PRKG1: variants seen among roughly 807,000 people sequenced by gnomAD.
PRKG1 encodes the protein protein kinase cGMP-dependent 1.
PRKG1 carries 35 observed loss-of-function variants against 88.1 expected under a neutral mutation model. The observed-to-expected ratio is 0.40, with a 90% CI of 0.30 to 0.53. The LOEUF (loss-of-function observed/expected upper bound fraction) is 0.53, where lower values mean the gene tolerates loss of function less well. Ranked by LOEUF, PRKG1 falls within the 20% of genes least tolerant of loss-of-function variation. PRKG1 has a pLI of 0.59. For synonymous variants in PRKG1, 303 were observed against 292.5 expected (o/e 1.04, Z -0.37); for missense variants, 540 against 839.8 (o/e 0.64, Z 4.41).
intron 3 of PRKG1, among the ~76,000 whole-genome samples, chr10:51,760,441 T>C (rs1335446293): frequency 6.6e-6 from 1 of 151,886 alleles, no homozygotes; most frequent in Non-Finnish European, 1.5e-5. Flanking sequence ...TGACCACTTA[T>C]TCATTTATTA....
intron 4 of PRKG1, among the ~76,000 whole-genome samples, chr10:51,815,953 TGTGA>T (rs1353912725): frequency 6.6e-6 from 1 of 152,142 alleles, no homozygotes; most frequent in Non-Finnish European, 1.5e-5. Context: ...CCAAACCCAG[TGTGA>T]GTGTTTTCAA....
intron 1 of PRKG1, among the ~76,000 whole-genome samples, chr10:51,104,157 G>C (rs1330147135): frequency 6.6e-6 from 1 of 152,084 alleles, no homozygotes; most frequent in Middle Eastern, 3.2e-3. Flanking sequence ...CAAGTAAATA[G>C]ATAATTCCTA....
At position 51,123,950 on chromosome 10, in the gene PRKG1, T is replaced by C. The variant is rs147038868; in HGVS notation, c.312-29214T>C. 6.2e-3 allele frequency among the ~76,000 whole-genome samples: 944 copies of C among 152,140 alleles called. 6 individuals carry two copies. The highest frequency in any genetic ancestry group is 0.02 in the Middle Eastern group (6 of 294). On this transcript the variant is annotated intron_variant, in intron 1 of 17. Transcript: ENST00000373980. ...CCAGACCTCAGAAAAAATCACTCGCTATTGTGAGGACAGCACCAAGAGAAT... is the reference window on the plus strand; with the variant it reads ...CCAGACCTCAGAAAAAATCACTCGCCATTGTGAGGACAGCACCAAGAGAAT...
At chr10:51,102,033 G>T (rs1844698762) in intron 1 of PRKG1, among the ~76,000 whole-genome samples, 1 of 152,140 alleles carries the variant, frequency 6.6e-6, no homozygotes, top group South Asian at 2.1e-4. Flanking sequence ...GCCAATTTCT[G>T]TGGAGTAAAT....
intron 7 of PRKG1, among the ~76,000 whole-genome samples, chr10:52,125,041 T>C (rs1010617680): frequency 5.3e-5 from 8 of 152,180 alleles, no homozygotes; most frequent in Non-Finnish European, 1.2e-4. Context: ...TTCTTTTTTT[T>C]AGTAAGTAGG....
intron 7 of PRKG1, among the ~76,000 whole-genome samples, chr10:52,083,030 G>C (rs540730224): frequency 2.6e-5 from 4 of 152,172 alleles, no homozygotes; most frequent in African/African-American, 7.2e-5. Context: ...TAATCGAGTG[G>C]TGTGGTGGGT....
At chr10:52,166,556 C>T (rs1299666539) in intron 9 of PRKG1, among the ~76,000 whole-genome samples, 1 of 147,470 alleles carries the variant, frequency 6.8e-6, no homozygotes, top group African/African-American at 2.5e-5. Context: ...GCCTCAGCCT[C>T]CCAAGTAGCT....
chr10:52,203,202 T>C (rs1839722303), intron 9 of PRKG1, among the ~76,000 whole-genome samples: 1 of 152,180 alleles, frequency 6.6e-6, no homozygotes. Context: ...TCTGTGATTC[T>C]GGTATACTGT....
At chr10:51,267,460 T>C (rs978804426) in intron 2 of PRKG1, among the ~76,000 whole-genome samples, 1 of 152,198 alleles carries the variant, frequency 6.6e-6, no homozygotes, top group African/African-American at 2.4e-5. Flanking sequence ...TTCTGCAAAA[T>C]ATATCTTTAT....
At chr10:51,912,846 T>C (rs1220576847) in intron 5 of PRKG1, among the ~76,000 whole-genome samples, 2 of 151,984 alleles carry the variant, frequency 1.3e-5, no homozygotes, top group African/African-American at 4.8e-5. Flanking sequence ...CATGAGATTA[T>C]AGTACAGGAA....
chr10:51,548,053 C>A (rs1312288419), intron 3 of PRKG1, among the ~76,000 whole-genome samples: 1 of 151,964 alleles, frequency 6.6e-6, no homozygotes, highest in African/African-American at 2.4e-5. Flanking sequence ...TTCCTGATAA[C>A]CTGCTTTGCC....
At chr10:51,901,522 G>A (rs1841978164) in intron 4 of PRKG1, among the ~76,000 whole-genome samples, 1 of 152,146 alleles carries the variant, frequency 6.6e-6, no homozygotes, top group Admixed American at 6.5e-5. Flanking sequence ...CAACTTTACA[G>A]GGTTTCATTT....
At chr10:51,177,162 T>A (rs1837217158) in intron 2 of PRKG1, among the ~76,000 whole-genome samples, 1 of 152,174 alleles carries the variant, frequency 6.6e-6, no homozygotes, top group African/African-American at 2.4e-5. Flanking sequence ...TGTTGAACTA[T>A]TTCCTAACTG....
chr10:51,909,792 C>G (rs1379909668), intron 5 of PRKG1: 1 of 151,900 alleles, frequency 6.6e-6, no homozygotes, highest in African/African-American at 2.4e-5. Context: ...GAAGAGTCAG[C>G]AAAGCTTGGA....
chr10:52,041,968 C>A (rs762739246), intron 5 of PRKG1, among the ~76,000 whole-genome samples: 5 of 151,802 alleles, frequency 3.3e-5, no homozygotes, highest in South Asian at 2.1e-4. Flanking sequence ...TTCACACACA[C>A]AAAAATTAGA....
At chr10:51,113,670 A>G (rs1402411232) in intron 1 of PRKG1, among the ~76,000 whole-genome samples, 2 of 151,510 alleles carry the variant, frequency 1.3e-5, no homozygotes, top group African/African-American at 2.4e-5. Flanking sequence ...ATAAGTAGAA[A>G]GGAACTGTCT....
chr10:52,097,565 T>G (rs997696644), intron 7 of PRKG1, among the ~76,000 whole-genome samples: 3 of 152,096 alleles, frequency 2.0e-5, no homozygotes, highest in Non-Finnish European at 4.4e-5. Context: ...TTGTTTTGTT[T>G]TTCTTTGATA....
chr10:51,974,702 A>T (rs1180233986), intron 5 of PRKG1, among the ~76,000 whole-genome samples: 1 of 152,146 alleles, frequency 6.6e-6, no homozygotes, highest in Non-Finnish European at 1.5e-5. Context: ...ACTTCTCCAG[A>T]AATTTTTCTG....
Position 51,908,735 on chromosome 10 carries a change from T to TCTATCTATCTATATATATA in PRKG1, c.762+1165_762+1166insCTATCTATCTATATATATA, listed in dbSNP as rs778365205. 85 of 77,850 alleles carry TCTATCTATCTATATATATA rather than the reference T, an allele frequency of 1.1e-3. 1 individual carries two copies. The highest frequency in any genetic ancestry group is 1.8e-3 in the South Asian group (4 of 2,252). The allele number at this position is 77,850 out of a possible 1,614,324, so 4.8% of individuals were successfully genotyped here. ...TCTCTGTCTATCTATCTATATGTAA[T>TCTATCTATCTATATATATA]TTTTTTTTTTTTGAGACAGTGTCTT... On this transcript the variant is annotated intron_variant, in intron 5 of 17. Coordinates refer to ENST00000373980, the MANE Select transcript of PRKG1 (RefSeq NM_006258.4).
Sources: gnomAD v4.1 joint callset for allele counts (sites outside exome capture counted in the v4.1 genomes callset) on GRCh38, gnomAD v4.1.1 for gene constraint, MANE v1.5 for transcripts, NCBI Gene and HGNC (gene_info 2026-07-23, HGNC 2026-07-21) for gene names.